The following NPFFR1 variants were observed in gnomAD, a reference collection of about 807,000 sequenced individuals.
The protein encoded by NPFFR1 is neuropeptide FF receptor 1, also known as G-protein coupled receptor 147.
A neutral mutation model predicts 12.7 loss-of-function variants in NPFFR1; 17 were observed. That is an observed-to-expected ratio of 1.34 (90% confidence interval 0.92 to 2.01). The LOEUF (loss-of-function observed/expected upper bound fraction) is 2.01. Ranked by LOEUF, NPFFR1 falls within the 30% of genes most tolerant of loss-of-function variation. The pLI is 0.00. For synonymous variants in NPFFR1, 296 were observed against 264.5 expected (o/e 1.12, Z -1.16); for missense variants, 604 against 606.5 (o/e 1.00, Z 0.04).
Position 70,255,758 on chromosome 10 carries a change from G to A in NPFFR1, c.492C>T (p.Val164=), listed in dbSNP as rs745313410. 1 of 1,611,782 alleles carries A rather than the reference G, an allele frequency of 6.2e-7. No homozygotes were observed. The highest frequency in any genetic ancestry group is 2.2e-5 in the East Asian group (1 of 44,788). The part of the protein sequence containing the change: ...TLRKALVTIA[V]IWALALLIMC... The stretch of plus-strand genomic sequence containing the variant: ...TGATGAGCAGCGCCAGGGCCCAGAT[G>A]ACGGCGATGGTGACGAGCGCCTTCC... Residue 164 remains valine (V), a synonymous_variant, in exon 4 of 4, where the codon GTC becomes GTT. Coordinates refer to ENST00000277942, the MANE Select transcript of NPFFR1 (RefSeq NM_022146.5). This position sits in a 1 kb window ranked among gnomAD's most constrained non-coding sequence, Gnocchi z 4.2.
intron 1 of NPFFR1, among the ~76,000 whole-genome samples, chr10:70,271,082 G>A (rs562761506): frequency 6.6e-6 from 1 of 152,146 alleles, no homozygotes; most frequent in African/African-American, 2.4e-5. Flanking sequence ...TGATTCCAAC[G>A]CACACTGTGG....
Position 70,255,094 on chromosome 10 carries a change from CAG to C in NPFFR1, c.1154_1155del (p.Ser385Ter). 6.8e-7 allele frequency: 1 copy of C among 1,472,348 alleles called. No individual in the cohort carries two copies. The highest frequency in any genetic ancestry group is 9.0e-7 in the Non-Finnish European group (1 of 1,117,190). The allele number at this position is 1,472,348 out of a possible 1,614,324, so 91.2% of individuals were successfully genotyped here. A position where few individuals can be genotyped will look rare whatever the true frequency, so the allele number is the denominator to read the frequency against. Reference protein sequence around the residue: ...VVRPSDSGLPSESGPSSGAPR... With the variant: ...VVRPSDSGLPXESGPSSGAPR... ...GGGGCCCCACTGCTAGGGCCCGACT[CAG>C]AGGGCAGCCCGGAGTCGCTGGGCCG... is the stretch of plus-strand genomic sequence containing the variant. On this transcript the variant is annotated frameshift_variant, in exon 4 of 4. Transcript: ENST00000277942. LOFTEE classifies it low-confidence loss of function (END_TRUNC). The surrounding 1 kb of genome is among the most constrained non-coding windows in gnomAD (Gnocchi z 4.2).
intron 1 of NPFFR1, among the ~76,000 whole-genome samples, chr10:70,277,666 T>C (rs1258443001): frequency 6.6e-6 from 1 of 152,074 alleles, no homozygotes; most frequent in Non-Finnish European, 1.5e-5. Flanking sequence ...TCCCAGCCTT[T>C]GGGCCTCTCT....
chr10:70,268,206 G>C (rs969718599), intron 1 of NPFFR1, among the ~76,000 whole-genome samples: 2 of 151,936 alleles, frequency 1.3e-5, no homozygotes, highest in African/African-American at 4.8e-5. Flanking sequence ...GTAAATACCA[G>C]ACATTACTTC....
At chr10:70,282,573 A>G (rs1236686645) in intron 1 of NPFFR1, among the ~76,000 whole-genome samples, 1 of 152,212 alleles carries the variant, frequency 6.6e-6, no homozygotes, top group Non-Finnish European at 1.5e-5. Flanking sequence ...GTTTGCAATT[A>G]CTAATTGGAA....
At chr10:70,273,360 G>T (rs182916029) in intron 1 of NPFFR1, among the ~76,000 whole-genome samples, 1 of 152,152 alleles carries the variant, frequency 6.6e-6, no homozygotes, top group African/African-American at 2.4e-5. Flanking sequence ...AACATTTTGG[G>T]GGTCATCAAA....
chr10:70,262,698 G>C (rs898432873), intron 2 of NPFFR1, among the ~76,000 whole-genome samples: 1 of 152,182 alleles, frequency 6.6e-6, no homozygotes, highest in Non-Finnish European at 1.5e-5. Flanking sequence ...AGAATCAGAG[G>C]TATCAGTCTG....
intron 1 of NPFFR1, among the ~76,000 whole-genome samples, chr10:70,277,154 G>T (rs1840812894): frequency 6.6e-6 from 1 of 152,182 alleles, no homozygotes; most frequent in South Asian, 2.1e-4. Flanking sequence ...CACCCATCTG[G>T]CCTCTGCCTC....
intron 3 of NPFFR1, among the ~76,000 whole-genome samples, chr10:70,256,231 G>C (rs1445478125): frequency 6.6e-6 from 1 of 152,104 alleles, no homozygotes; most frequent in Non-Finnish European, 1.5e-5. Context: ...GGAATGCGCT[G>C]CCACCTCGCC....
rs1218815111 is a variant in NPFFR1 at position 70,266,244 on chromosome 10, A to C, written c.155T>G (p.Leu52Arg). 6.2e-7 allele frequency: 1 copy of C among 1,614,020 alleles called. No homozygotes were observed. Among genetic ancestry groups the C allele is most frequent in the South Asian group, 1.1e-5 (1 of 91,080 alleles). ...GCCCACCATGCAGAGCAGGAAGATG[A>C]GCGCATAGGCCACAATGAACATGGC... Reference protein sequence around the residue: ...VAAMFIVAYALIFLLCMVGNT... With the variant: ...VAAMFIVAYARIFLLCMVGNT... The change falls in exon 2 of 4, where the codon CTC becomes CGC. Residue 52 changes from leucine (L) to arginine (R), a missense_variant. By Grantham distance (102) the Leu-to-Arg change is moderately radical (BLOSUM62 -2). Coordinates refer to ENST00000277942, the MANE Select transcript of NPFFR1 (RefSeq NM_022146.5).
rs2136789764 is a variant in NPFFR1, at chr10:70,254,773, G to C, written c.*184C>G. 1 of 616,640 alleles carries C rather than the reference G, an allele frequency of 1.6e-6. No homozygotes were observed. Among genetic ancestry groups the C allele is most frequent in the South Asian group, 6.2e-5 (1 of 16,020 alleles). The allele number at this position is 616,640 out of a possible 1,614,324, so 38.2% of individuals were successfully genotyped here. A position where few individuals can be genotyped will look rare whatever the true frequency, so the allele number is the denominator to read the frequency against. On this transcript the variant is annotated 3_prime_UTR_variant, in exon 4 of 4. Coordinates refer to ENST00000277942, the MANE Select transcript of NPFFR1 (RefSeq NM_022146.5). The stretch of plus-strand genomic sequence containing the variant: ...GCAAGTTGGTTCCTTCCCGTCCCCC[G>C]CATTTGCCTCTACTGAGGGTGAAGG...
rs1262051173 is a variant in NPFFR1 at position 70,251,369 on chromosome 10, C to T, written c.*3588G>A. 1 of 152,472 alleles carries T rather than the reference C, an allele frequency of 6.6e-6. No homozygotes were observed. The highest frequency in any genetic ancestry group is 1.9e-4 in the East Asian group (1 of 5,208). 9.4% of individuals were successfully genotyped at this position (152,472 alleles called of 1,614,324 possible). On this transcript the variant is annotated 3_prime_UTR_variant, in exon 4 of 4. Transcript: ENST00000277942. Reference sequence around the variant, plus strand: ...CAATGCAGATCAGCTCATGAGTCCTCCAGGCCCCAAGAGAGACTCCTCAGC... The same window carrying T: ...CAATGCAGATCAGCTCATGAGTCCTTCAGGCCCCAAGAGAGACTCCTCAGC...
At chr10:70,264,385 A>G (rs1307838564) in intron 2 of NPFFR1, among the ~76,000 whole-genome samples, 1 of 151,270 alleles carries the variant, frequency 6.6e-6, no homozygotes, top group Non-Finnish European at 1.5e-5. Context: ...AAAAAAAAAA[A>G]AAAAAGAAAG....
chr10:70,276,584 CTTTTT>C (rs57759018), intron 1 of NPFFR1, among the ~76,000 whole-genome samples: 1 of 117,336 alleles, frequency 8.5e-6, no homozygotes, highest in Admixed American at 9.9e-5. Flanking sequence ...ATGTTTGTAT[CTTTTT>C]TTTTTTTTTT....
chr10:70,273,524 C>T (rs1396300284), intron 1 of NPFFR1, among the ~76,000 whole-genome samples: 2 of 152,206 alleles, frequency 1.3e-5, no homozygotes, highest in African/African-American at 4.8e-5. Flanking sequence ...TTGGCACACA[C>T]TTTCAAGGCA....
chr10:70,281,537 G>A (rs1840862326), intron 1 of NPFFR1, among the ~76,000 whole-genome samples: 1 of 152,160 alleles, frequency 6.6e-6, no homozygotes, highest in South Asian at 2.1e-4. Flanking sequence ...AGAAGCAGGA[G>A]AATCAAACAA....
chr10:70,274,566 G>A (rs1023165907), intron 1 of NPFFR1, among the ~76,000 whole-genome samples: 10 of 152,308 alleles, frequency 6.6e-5, no homozygotes, highest in African/African-American at 1.9e-4. Context: ...GGTATAGTTA[G>A]TTTGGGGTGG....
At chr10:70,279,239 C>T (rs10999233) in intron 1 of NPFFR1, among the ~76,000 whole-genome samples, 48,749 of 151,882 alleles carry the variant, frequency 0.32, 8,609 homozygotes, top group South Asian at 0.47. Context: ...CTCCGCCTCC[C>T]AGGTTCAAAC....
At chr10:70,273,725 C>T (rs1213554025) in intron 1 of NPFFR1, among the ~76,000 whole-genome samples, 1 of 152,214 alleles carries the variant, frequency 6.6e-6, no homozygotes, top group Non-Finnish European at 1.5e-5. Flanking sequence ...GCCTCTGAGT[C>T]TTCATAACAC....
Sources: allele counts gnomAD v4.1 joint callset (sites outside exome capture counted in the v4.1 genomes callset), GRCh38; gene constraint gnomAD v4.1.1; non-coding constraint Gnocchi (gnomAD v3.1); transcripts MANE v1.5; gene names NCBI Gene and HGNC (gene_info 2026-07-23, HGNC 2026-07-21).